The following PID1 variants were observed in gnomAD, a reference collection of about 807,000 sequenced individuals.
PID1 encodes the protein PTB-containing, cubilin and LRP1-interacting protein.
A neutral mutation model predicts 19.1 loss-of-function variants in PID1; 10 were observed. The ratio of observed to expected loss-of-function variants is 0.52; its 90% CI spans 0.32 to 0.89. The LOEUF (loss-of-function observed/expected upper bound fraction) is 0.89. Among genes scored for constraint, PID1 ranks in the 40% least tolerant of loss-of-function variants. The pLI is 0.03. For missense variants in PID1, 248 were observed against 285.3 expected (o/e 0.87, Z 0.94); for synonymous variants, 130 against 116.0 (o/e 1.12, Z -0.78).
chr2:229,128,571 G>C (rs925421114), intron 2 of PID1, among the ~76,000 whole-genome samples: 1 of 151,970 alleles, frequency 6.6e-6, no homozygotes, highest in Non-Finnish European at 1.5e-5. Flanking sequence ...AAAAAACTAA[G>C]CTATTTAATG....
At chr2:229,207,161 A>G (rs2106246004) in intron 1 of PID1, among the ~76,000 whole-genome samples, 1 of 152,326 alleles carries the variant, frequency 6.6e-6, no homozygotes, top group Middle Eastern at 3.4e-3. Context: ...TTTGAAGTCA[A>G]GTTTTACACA....
intron 2 of PID1, among the ~76,000 whole-genome samples, chr2:229,149,888 A>G (rs1690213006): frequency 6.6e-6 from 1 of 152,100 alleles, no homozygotes; most frequent in African/African-American, 2.4e-5. Flanking sequence ...CAGAATCAAG[A>G]CATGGACACC....
chr2:229,137,452 A>C (rs910528754), intron 2 of PID1, among the ~76,000 whole-genome samples: 1 of 152,202 alleles, frequency 6.6e-6, no homozygotes, highest in Non-Finnish European at 1.5e-5. Context: ...TTTATCTCTT[A>C]CCATAGGACT....
chr2:229,051,873 T>C lies in PID1; in HGVS notation c.178-25765A>G, dbSNP rs567237874. ...TGTGGTAGGTAACACATTCTTCCTA[T>C]AACATTGGCCTAAATTCTTCACATC... On this transcript the variant is annotated intron_variant, in intron 2 of 2. Transcript: ENST00000392055. 1.1e-4 allele frequency among the ~76,000 whole-genome samples: 17 copies of C among 152,308 alleles called. No individual in the cohort carries two copies. In the East Asian group the frequency reaches 3.3e-3, roughly 29 times the overall value.
chr2:229,064,612 TA>T (rs373209902), intron 2 of PID1, among the ~76,000 whole-genome samples: 9 of 152,120 alleles, frequency 5.9e-5, no homozygotes, highest in African/African-American at 1.4e-4. Context: ...CAATTTTTGA[TA>T]AAAAAATTGC....
intron 2 of PID1, among the ~76,000 whole-genome samples, chr2:229,154,205 C>T (rs1276128002): frequency 6.6e-6 from 1 of 151,924 alleles, no homozygotes; most frequent in South Asian, 2.1e-4. Flanking sequence ...ACTGATGATT[C>T]CCCCATCATA....
chr2:229,132,849 T>A (rs1048005390), intron 2 of PID1, among the ~76,000 whole-genome samples: 1 of 152,254 alleles, frequency 6.6e-6, no homozygotes, highest in Non-Finnish European at 1.5e-5. Context: ...AGATTTTTTT[T>A]AAATACTTAG....
At chr2:229,073,947 A>T (rs1449812284) in intron 2 of PID1, among the ~76,000 whole-genome samples, 3 of 152,242 alleles carry the variant, frequency 2.0e-5, no homozygotes, top group Non-Finnish European at 4.4e-5. Context: ...TGTCATTGCC[A>T]CACAGTTGTA....
intron 1 of PID1, chr2:229,262,737 CA>C: frequency 6.4e-7 from 1 of 1,551,628 alleles, no homozygotes; most frequent in South Asian, 1.2e-5. Context: ...ACACACCATC[CA>C]AAAGCTCTGG....
At chr2:229,114,151 TTC>T (rs1183310607) in intron 2 of PID1, among the ~76,000 whole-genome samples, 21 of 127,164 alleles carry the variant, frequency 1.7e-4, no homozygotes, top group African/African-American at 3.4e-4. Flanking sequence ...CTCTCTCTCT[TTC>T]TCTCTCTCTC....
chr2:229,069,797 T>C (rs1177818647), intron 2 of PID1, among the ~76,000 whole-genome samples: 1 of 152,224 alleles, frequency 6.6e-6, no homozygotes, highest in Non-Finnish European at 1.5e-5. Context: ...ACTAAGATAT[T>C]ATTACTGCTT....
intron 2 of PID1, among the ~76,000 whole-genome samples, chr2:229,049,572 G>A (rs6436833): frequency 0.52 from 79,427 of 151,930 alleles, 21,524 homozygotes; most frequent in East Asian, 0.67. Context: ...CAACTTGCAT[G>A]TCACCTAGTA....
Position 229,025,992 on chromosome 2 carries a change from C to G in PID1, c.294G>C (p.Pro98=), listed in dbSNP as rs773081232. 48 of 1,614,062 alleles carry G rather than the reference C, an allele frequency of 3.0e-5. No homozygotes were observed. The South Asian group carries it at 5.0e-4, about 17-fold the overall frequency. Residue 98 remains proline (P), a synonymous_variant, in exon 3 of 3, where the codon CCG becomes CCC. Coordinates refer to ENST00000392055, the MANE Select transcript of PID1 (RefSeq NM_001100818.2). ...GCCGGATTTCCAGGAGGGCATTGGC[C>G]GGAAAGACATCCTCTCGGGCTAGCG... ...KHTLAREDVF[P]ANALLEIRPF...
intron 2 of PID1, among the ~76,000 whole-genome samples, chr2:229,144,803 T>C (rs898358857): frequency 1.3e-5 from 2 of 152,070 alleles, no homozygotes; most frequent in Non-Finnish European, 2.9e-5. Context: ...GCAGAAGGGA[T>C]GAAAGAGACA....
chr2:229,097,951 T>C lies in PID1; in HGVS notation c.177+57867A>G, dbSNP rs1038376565. ...GTTCTGAAACCAGAGCTAGGAATTC[T>C]GGGAGGTCAAACTCTTGTTACACTT... On this transcript the variant is annotated intron_variant, in intron 2 of 2. Transcript: ENST00000392055. 5.3e-5 allele frequency among the ~76,000 whole-genome samples: 8 copies of C among 152,310 alleles called. No individual in the cohort carries two copies. In the East Asian group the frequency reaches 1.5e-3, roughly 29 times the overall value.
chr2:229,038,366 A>ACTC (rs1276709194), intron 2 of PID1, among the ~76,000 whole-genome samples: 1 of 152,090 alleles, frequency 6.6e-6, no homozygotes, highest in Non-Finnish European at 1.5e-5. Flanking sequence ...GAAGGAATAA[A>ACTC]CTCTGATATG....
intron 1 of PID1, among the ~76,000 whole-genome samples, chr2:229,220,459 C>A (rs772517677): frequency 6.6e-6 from 1 of 152,130 alleles, no homozygotes; most frequent in Admixed American, 6.5e-5. Flanking sequence ...ATGGGTTGGA[C>A]GTCAGGACTC....
chr2:229,091,644 C>T (rs1185533033), intron 2 of PID1, among the ~76,000 whole-genome samples: 1 of 152,148 alleles, frequency 6.6e-6, no homozygotes, highest in Non-Finnish European at 1.5e-5. Context: ...TCACCAGCAC[C>T]TTGATGTTGG....
chr2:229,128,446 T>C (rs1241304172), intron 2 of PID1, among the ~76,000 whole-genome samples: 1 of 152,212 alleles, frequency 6.6e-6, no homozygotes, highest in Non-Finnish European at 1.5e-5. Flanking sequence ...CAAGTTGAAA[T>C]GTACAAATGG....
Sources: allele counts gnomAD v4.1 joint callset (sites outside exome capture counted in the v4.1 genomes callset), GRCh38; gene constraint gnomAD v4.1.1; transcripts MANE v1.5; gene names NCBI Gene and HGNC (gene_info 2026-07-23, HGNC 2026-07-21).